PDE4D: variants seen among roughly 807,000 people sequenced by gnomAD.
PDE4D encodes 3',5'-cyclic-AMP phosphodiesterase 4D.
Under a neutral mutation model 87.4 loss-of-function variants are expected in PDE4D, and 24 were observed. That is an observed-to-expected ratio of 0.27 (90% CI 0.20 to 0.39). The LOEUF is 0.39. Among genes scored for constraint, PDE4D ranks in the 10% least tolerant of loss-of-function variants. The probability of loss-of-function intolerance (pLI) is 1.00; values close to 1 mark genes in which losing one functional copy is unlikely to be tolerated. For missense variants in PDE4D, 714 were observed against 1,041.0 expected (o/e 0.69, Z 4.32); for synonymous variants, 384 against 383.2 (o/e 1.00, Z -0.02).
intron 1 of PDE4D, among the ~76,000 whole-genome samples, chr5:60,304,964 C>T (rs1030533023): frequency 2.0e-5 from 3 of 151,386 alleles, no homozygotes; most frequent in Non-Finnish European, 4.4e-5. Context: ...ACTTGGGTAT[C>T]TTTGTGGCTT....
At chr5:59,148,410 C>T (rs1778977732) in intron 5 of PDE4D, among the ~76,000 whole-genome samples, 1 of 152,170 alleles carries the variant, frequency 6.6e-6, no homozygotes, top group African/African-American at 2.4e-5. Flanking sequence ...CTTCTCTAAG[C>T]TTCAGTGCTC....
At chr5:60,357,501 C>A (rs1759720047) in intron 1 of PDE4D, among the ~76,000 whole-genome samples, 2 of 152,126 alleles carry the variant, frequency 1.3e-5, no homozygotes, top group South Asian at 2.1e-4. Flanking sequence ...AATTTCAACT[C>A]ATTAAAAAAT....
chr5:59,088,066 A>G (rs938155148), intron 5 of PDE4D, among the ~76,000 whole-genome samples: 1 of 152,028 alleles, frequency 6.6e-6, no homozygotes, highest in Non-Finnish European at 1.5e-5. Flanking sequence ...GGCATGCAAT[A>G]CATGTTTGTT....
At chr5:59,708,925 G>C (rs116764660) in intron 1 of PDE4D, among the ~76,000 whole-genome samples, 1 of 143,714 alleles carries the variant, frequency 7.0e-6, no homozygotes, top group African/African-American at 2.7e-5. Context: ...TTTTTTAATC[G>C]AGGATATCCC....
chr5:59,332,129 A>G (rs548893969), intron 1 of PDE4D, among the ~76,000 whole-genome samples: 1 of 152,334 alleles, frequency 6.6e-6, no homozygotes, highest in South Asian at 2.1e-4. Flanking sequence ...ATCATTTCAG[A>G]GGCAATATGA....
intron 2 of PDE4D, among the ~76,000 whole-genome samples, chr5:59,992,998 A>C (rs1411814237): frequency 6.6e-6 from 1 of 152,208 alleles, no homozygotes; most frequent in African/African-American, 2.4e-5. Flanking sequence ...TGTAAAACTA[A>C]TCACCAGAGC....
chr5:59,626,686 A>T (rs922444125), intron 1 of PDE4D, among the ~76,000 whole-genome samples: 1 of 152,218 alleles, frequency 6.6e-6, no homozygotes, highest in Non-Finnish European at 1.5e-5. Context: ...GTGGTAAAAA[A>T]ATCATATTAA....
chr5:60,339,281 G>T (rs1001182163), intron 1 of PDE4D, among the ~76,000 whole-genome samples: 2 of 151,978 alleles, frequency 1.3e-5, no homozygotes, highest in African/African-American at 4.8e-5. Context: ...TGCACTTTGG[G>T]CCATTATTAA....
At chr5:60,217,353 T>C (rs954570978) in intron 1 of PDE4D, among the ~76,000 whole-genome samples, 1 of 151,972 alleles carries the variant, frequency 6.6e-6, no homozygotes, top group African/African-American at 2.4e-5. Context: ...TTTTACAACA[T>C]TATGAATGTT....
chr5:59,138,319 G>A (rs1365259675), intron 5 of PDE4D, among the ~76,000 whole-genome samples: 1 of 151,958 alleles, frequency 6.6e-6, no homozygotes, highest in Non-Finnish European at 1.5e-5. Flanking sequence ...ACGGAATCTC[G>A]CTGTGTTGCC....
At chr5:59,705,735 G>T (rs1274054036) in intron 1 of PDE4D, among the ~76,000 whole-genome samples, 3 of 152,122 alleles carry the variant, frequency 2.0e-5, no homozygotes, top group Admixed American at 2.0e-4. Flanking sequence ...ATTGTACACA[G>T]CACCCTATAC....
At chr5:59,894,697 G>A (rs1751451288), upstream of PDE4D, among the ~76,000 whole-genome samples, 1 of 152,134 alleles carries the variant, frequency 6.6e-6, no homozygotes, top group Non-Finnish European at 1.5e-5. Flanking sequence ...TTGCCTTTCT[G>A]CCACTTCCAG....
rs565845309 is a variant in PDE4D at position 60,232,005 on chromosome 5, T to C, written c.-89-46318A>G. ...TTAGTCAATTTTTTAATAAATTCCC[T>C]CTAATCATTCTCATTAGCCTTGTTC... On this transcript the variant is annotated intron_variant, in intron 1 of 16. Coordinates refer to the PDE4D transcript ENST00000502484. Among the ~76,000 whole-genome samples, 17 of 152,084 alleles carry C rather than the reference T, an allele frequency of 1.1e-4. No individual in the cohort carries two copies. In the East Asian group the frequency reaches 1.2e-3, roughly 10 times the overall value.
intron 1 of PDE4D, among the ~76,000 whole-genome samples, chr5:59,757,744 T>C (rs1414534201): frequency 6.6e-6 from 1 of 152,160 alleles, no homozygotes; most frequent in Non-Finnish European, 1.5e-5. Flanking sequence ...AGCTCAAGAC[T>C]TTTTTCTTTC....
chr5:59,713,722 C>T (rs1754557455), intron 1 of PDE4D, among the ~76,000 whole-genome samples: 1 of 152,158 alleles, frequency 6.6e-6, no homozygotes, highest in South Asian at 2.1e-4. Context: ...ACCTGGCCAG[C>T]AGTAGATGGG....
At chr5:59,109,754 A>T (rs1334595017) in intron 5 of PDE4D, among the ~76,000 whole-genome samples, 2 of 152,184 alleles carry the variant, frequency 1.3e-5, no homozygotes, top group Non-Finnish European at 2.9e-5. Context: ...AAGTAAAATT[A>T]TTTACCATCT....
chr5:59,662,638 C>A (rs1745439567), intron 1 of PDE4D, among the ~76,000 whole-genome samples: 1 of 152,120 alleles, frequency 6.6e-6, no homozygotes, highest in Admixed American at 6.5e-5. Context: ...TTAAGAAAAC[C>A]ACCTTATCCT....
chr5:60,501,710 G>T (rs946245192), intron 1 of PDE4D, among the ~76,000 whole-genome samples: 5 of 151,982 alleles, frequency 3.3e-5, no homozygotes, highest in African/African-American at 1.2e-4. Flanking sequence ...GTGTGAGATG[G>T]TATCTCATTG....
chr5:59,640,405 C>T (rs1258862922), intron 1 of PDE4D, among the ~76,000 whole-genome samples: 1 of 152,184 alleles, frequency 6.6e-6, no homozygotes, highest in Admixed American at 6.5e-5. Context: ...ATTGCCTGTT[C>T]TTTCTCTTCC....
Sources: allele counts gnomAD v4.1 joint callset (sites outside exome capture counted in the v4.1 genomes callset), GRCh38; gene constraint gnomAD v4.1.1; transcripts MANE v1.5; gene names NCBI Gene and HGNC (gene_info 2026-07-23, HGNC 2026-07-21).